Variants in GBF1 observed in about 807,000 individuals in gnomAD.
GBF1 encodes the protein golgi brefeldin A resistant guanine nucleotide exchange factor 1, also known as Golgi-specific brefeldin A-resistance guanine nucleotide exchange factor 1.
In GBF1, 114 loss-of-function variants were observed where a neutral mutation model predicts 210.5. That is an observed-to-expected ratio of 0.54 (90% confidence interval 0.47 to 0.63). The LOEUF (loss-of-function observed/expected upper bound fraction) is 0.63. Among genes scored for constraint, GBF1 ranks in the 30% least tolerant of loss-of-function variants. GBF1 has a pLI of 0.00. For missense variants in GBF1, 1,851 were observed against 2,357.7 expected (o/e 0.79, Z 4.45); for synonymous variants, 850 against 889.2 (o/e 0.96, Z 0.78).
intron 3 of GBF1, among the ~76,000 whole-genome samples, chr10:102,326,532 T>C (rs1184445007): frequency 2.6e-5 from 4 of 152,122 alleles, no homozygotes; most frequent in African/African-American, 9.7e-5. Flanking sequence ...TTTTTCAACT[T>C]GAGGTATAAT....
At chr10:102,286,782 AG>A (rs1406790089) in intron 3 of GBF1, among the ~76,000 whole-genome samples, 1 of 152,220 alleles carries the variant, frequency 6.6e-6, no homozygotes, top group African/African-American at 2.4e-5. Context: ...TGTGAATCTC[AG>A]CTTTGTGCTA....
intron 12 of GBF1, among the ~76,000 whole-genome samples, 198 bp from the exon 13 acceptor site, chr10:102,360,824 A>G (rs778878281): frequency 4.2e-4 from 64 of 152,048 alleles, no homozygotes; most frequent in Non-Finnish European, 1.8e-4. Context: ...AAAAATATCA[A>G]ATTAGCTGGG....
intron 10 of GBF1, chr10:102,358,985 T>C (rs2134984138): frequency 1.7e-6 from 1 of 587,518 alleles, no homozygotes; most frequent in South Asian, 2.1e-5. Flanking sequence ...GAGCTGGCCA[T>C]TGCTTTTTCT....
At chr10:102,269,787 A>G (rs892652546) in intron 3 of GBF1, among the ~76,000 whole-genome samples, 1 of 152,176 alleles carries the variant, frequency 6.6e-6, no homozygotes, top group African/African-American at 2.4e-5. Flanking sequence ...TGGTATTACA[A>G]CTGCCCTGGG....
chr10:102,287,769 A>G (rs1046512798), intron 3 of GBF1, among the ~76,000 whole-genome samples: 1 of 152,212 alleles, frequency 6.6e-6, no homozygotes, highest in African/African-American at 2.4e-5. Flanking sequence ...CAACCTCAGA[A>G]GTAAACCTCA....
upstream of GBF1, among the ~76,000 whole-genome samples, chr10:102,245,099 T>C (rs536388532): frequency 6.6e-6 from 1 of 152,166 alleles, no homozygotes; most frequent in Non-Finnish European, 1.5e-5. Flanking sequence ...TCAAGGGGCA[T>C]GGTCTTGGCC....
intron 3 of GBF1, among the ~76,000 whole-genome samples, chr10:102,320,267 G>A (rs1049747390): frequency 6.6e-6 from 1 of 152,032 alleles, no homozygotes; most frequent in Non-Finnish European, 1.5e-5. Flanking sequence ...CATTTCCAGT[G>A]TTGATCTTGA....
chr10:102,348,226 C>T (rs577677435), intron 4 of GBF1, among the ~76,000 whole-genome samples: 18 of 152,268 alleles, frequency 1.2e-4, no homozygotes, highest in Admixed American at 1.0e-3. Flanking sequence ...CATGAGCCAC[C>T]GTGCCCAGCC....
At chr10:102,335,948 G>T (rs1323190772) in intron 3 of GBF1, among the ~76,000 whole-genome samples, 1 of 152,084 alleles carries the variant, frequency 6.6e-6, no homozygotes, top group Admixed American at 6.6e-5. Flanking sequence ...ACTTGTGTTT[G>T]TTTTATGGTT....
rs1310199540 is a variant in GBF1, at chr10:102,311,180, A to G, written c.164-32871A>G. Among the ~76,000 whole-genome samples the G allele has an allele frequency of 5.3e-5, 8 of 152,356 alleles. No homozygotes were observed. In the East Asian group the frequency reaches 1.5e-3, roughly 29 times the overall value. ...GCTCTTAAGTACTGTAAATACTCCT[A>G]GTCACTCTGCATCAGGGCTGCAAGT... On this transcript the variant is annotated intron_variant, in intron 3 of 39. Coordinates refer to ENST00000369983, the MANE Select transcript of GBF1 (RefSeq NM_001377137.1).
At chr10:102,293,647 G>T (rs1364061177) in intron 3 of GBF1, among the ~76,000 whole-genome samples, 1 of 151,682 alleles carries the variant, frequency 6.6e-6, no homozygotes, top group African/African-American at 2.4e-5. Context: ...GCCAATGTGA[G>T]TGTTTGTGGC....
intron 3 of GBF1, 90 bp from the exon 4 acceptor site, chr10:102,343,961 C>G (rs987209153): frequency 3.0e-6 from 3 of 1,016,890 alleles, no homozygotes; most frequent in Non-Finnish European, 3.1e-6. Context: ...CAACAAAGAC[C>G]TCTAGCCTCA....
chr10:102,314,492 T>G (rs1170011722), intron 3 of GBF1, among the ~76,000 whole-genome samples: 1 of 152,160 alleles, frequency 6.6e-6, no homozygotes, highest in Admixed American at 6.6e-5. Flanking sequence ...CTTTCTTCCT[T>G]TAAGTTTTAA....
At position 102,366,584 on chromosome 10, in the gene GBF1, C is replaced by CTTTT. The variant is rs397968996; in HGVS notation, c.2433+95_2433+98dup. 38 of 642,574 alleles carry CTTTT rather than the reference C, an allele frequency of 5.9e-5. No individual in the cohort carries two copies. The highest frequency in any genetic ancestry group is 7.5e-5 in the Admixed American group (2 of 26,784). 39.8% of individuals were successfully genotyped at this position (642,574 alleles called of 1,614,324 possible). ...GGGCTGAAGAATCCAGCTGCTGTCT[C>CTTTT]TTTTTTTTTTTTTTTTTTTTGAGAC... On this transcript the variant is annotated intron_variant, in intron 19 of 39. Transcript: ENST00000369983. The surrounding 1 kb of genome is among the most constrained non-coding windows in gnomAD (Gnocchi z 4.0).
the GBF1 span, chr10:102,232,105 G>A: frequency 7.0e-7 from 1 of 1,434,868 alleles, no homozygotes; most frequent in African/African-American, 1.4e-5. Flanking sequence ...GGAGGCGAGA[G>A]AAGACACAGA....
chr10:102,358,089 G>A lies in GBF1; in HGVS notation c.690G>A (p.Gln230=). 3 of 1,609,874 alleles carry A rather than the reference G, an allele frequency of 1.9e-6. No individual in the cohort carries two copies. Among genetic ancestry groups the A allele is most frequent in the Middle Eastern group, 1.7e-4 (1 of 6,052 alleles). The change falls in exon 9 of 40, where the codon CAG becomes CAA. Residue 230 remains glutamine, a synonymous_variant. Coordinates refer to ENST00000369983, the MANE Select transcript of GBF1 (RefSeq NM_001377137.1). ...GTGATTCATCCAAATGGAAGAAACAGAAGAGATCCCCTCGGCCCCCACGCC... is the reference window on the plus strand; with the variant it reads ...GTGATTCATCCAAATGGAAGAAACAAAAGAGATCCCCTCGGCCCCCACGCC... The part of the protein sequence containing the change: ...GMSDSSKWKK[Q]KRSPRPPRHM...
At chr10:102,376,889 T>C (rs1565184817) in intron 32 of GBF1, 46 bp from the exon 33 acceptor site, 11 of 1,609,974 alleles carry the variant, frequency 6.8e-6, no homozygotes, top group Admixed American at 3.3e-5. Context: ...AGGGTATCTA[T>C]GCCTATATAG....
Position 102,360,388 on chromosome 10 carries a change from T to C in GBF1, c.1385T>C (p.Leu462Ser), listed in dbSNP as rs2059525148. 1 of 1,604,186 alleles carries C rather than the reference T, an allele frequency of 6.2e-7. No homozygotes were observed. The highest frequency in any genetic ancestry group is 1.1e-5 in the South Asian group (1 of 90,900). Residue 462 changes from leucine to serine, a missense_variant, in exon 12 of 40, where the codon TTA becomes TCA. Physicochemically the swap from Leu to Ser is moderately radical, Grantham distance 145. This residue lies in a region of GBF1 where 804 missense variants were observed against 958.6 expected (regional missense o/e 0.84). Coordinates refer to ENST00000369983, the MANE Select transcript of GBF1 (RefSeq NM_001377137.1). ...GLIKDEMCRH[L>S]FQLLSIERLN... ...ATCAAGGATGAGATGTGCCGTCACT[T>C]ATTCCAGGTAAGACAAGATTGCTAG...
rs1162086361 is a variant in GBF1, at chr10:102,351,861, C to G, written c.433C>G (p.Leu145Val). 6.3e-7 allele frequency: 1 copy of G among 1,599,622 alleles called. No homozygotes were observed. The highest frequency in any genetic ancestry group is 8.6e-7 in the Non-Finnish European group (1 of 1,166,862). Residue 145 changes from leucine to valine, a missense_variant, in exon 6 of 40, where the codon CTA (leucine) becomes GTA (valine). Physicochemically the swap from Leu to Val is conservative, Grantham distance 32. Coordinates refer to ENST00000369983, the MANE Select transcript of GBF1 (RefSeq NM_001377137.1). Reference protein sequence around the residue: ...KILQVLRTLLLTPVGAHLTNE... With the variant: ...KILQVLRTLLVTPVGAHLTNE... ...CTGATAGGTTCTACGGACTCTGCTG[C>G]TAACCCCAGTGGGTGCCCACCTAAC...
Sources: gnomAD v4.1 joint callset for allele counts (sites outside exome capture counted in the v4.1 genomes callset) on GRCh38, gnomAD v4.1.1 for gene constraint, gnomAD v4.1.1 regional missense constraint, Gnocchi (gnomAD v3.1) non-coding constraint, MANE v1.5 for transcripts, NCBI Gene and HGNC (gene_info 2026-07-23, HGNC 2026-07-21) for gene names.